Variants in DPH6 observed in about 807,000 individuals in gnomAD.
DPH6 encodes diphthine--ammonia ligase.
DPH6 carries 33 observed loss-of-function variants against 38.2 expected under a neutral mutation model. The observed-to-expected ratio is 0.86, with a 90% CI of 0.65 to 1.15. The LOEUF is 1.15. Ranked by LOEUF, DPH6 falls within the 50% of genes most tolerant of loss-of-function variation. The pLI, the probability that DPH6 is intolerant of heterozygous loss-of-function variation, is 0.00. For synonymous variants in DPH6, 108 were observed against 103.0 expected, an observed-to-expected ratio of 1.05 and a Z score of -0.30; for missense variants, 325 against 320.0, an observed-to-expected ratio of 1.02 and a Z score of -0.12.
chr15:35,314,167 T>C (rs551883285), intron 3 of DPH6, among the ~76,000 whole-genome samples: 23 of 150,292 alleles, frequency 1.5e-4, no homozygotes, highest in Admixed American at 7.3e-4. Context: ...AAAGAGGACA[T>C]ACAAATGGTC....
chr15:35,279,084 T>TAA (rs1566858083), intron 3 of DPH6, among the ~76,000 whole-genome samples: 5 of 143,312 alleles, frequency 3.5e-5, no homozygotes, highest in African/African-American at 1.3e-4. Flanking sequence ...TATATATATA[T>TAA]AATTTTGGAG....
intron 3 of DPH6, among the ~76,000 whole-genome samples, chr15:35,350,610 C>A (rs1159321371): frequency 6.6e-6 from 1 of 152,076 alleles, no homozygotes; most frequent in Non-Finnish European, 1.5e-5. Flanking sequence ...TTGCTGCATC[C>A]AATAAGTTTG....
chr15:35,495,369 A>G (rs1214206743), intron 3 of DPH6, among the ~76,000 whole-genome samples: 1 of 152,200 alleles, frequency 6.6e-6, no homozygotes, highest in African/African-American at 2.4e-5. Flanking sequence ...GAGGCCTCAG[A>G]ATGAAACCAA....
At chr15:35,544,861 T>C (rs1419703063) in intron 1 of DPH6, among the ~76,000 whole-genome samples, 4 of 152,256 alleles carry the variant, frequency 2.6e-5, no homozygotes, top group African/African-American at 9.6e-5. Context: ...CGTTAAACTT[T>C]TGGCAAGCGA....
In DPH6 at chr15:35,401,129, A is replaced by G. The variant is rs568599105; in HGVS notation, c.567+9706T>C. On this transcript the variant is annotated intron_variant, in intron 6 of 8. Coordinates refer to ENST00000256538, the MANE Select transcript of DPH6 (RefSeq NM_080650.4). Reference sequence around the variant, plus strand: ...ACCTTTGATGACCATGACTTTGTGGATAAGACTGTCATTCAGAAACACCAT... The same window carrying G: ...ACCTTTGATGACCATGACTTTGTGGGTAAGACTGTCATTCAGAAACACCAT... 617 of 952,060 alleles carry G rather than the reference A, an allele frequency of 6.5e-4. 4 individuals carry two copies. Among genetic ancestry groups the G allele is most frequent in the South Asian group, 2.3e-3 (183 of 78,062 alleles). 59.0% of individuals were successfully genotyped at this position (952,060 alleles called of 1,614,324 possible).
At chr15:35,183,581 GACAA>G in the DPH6 span, among the ~76,000 whole-genome samples, 2 of 152,200 alleles carry the variant, frequency 1.3e-5, no homozygotes, top group African/African-American at 2.4e-5. Flanking sequence ...TTAACTTCTT[GACAA>G]ACAGAGGCTT....
chr15:35,365,261 T>C (rs758090591), intron 3 of DPH6, among the ~76,000 whole-genome samples: 1 of 152,054 alleles, frequency 6.6e-6, no homozygotes, highest in Non-Finnish European at 1.5e-5. Flanking sequence ...CATGAACACA[T>C]CTAATGTATT....
At chr15:35,537,273 GA>G (rs2055183823) in intron 3 of DPH6, among the ~76,000 whole-genome samples, 1 of 152,066 alleles carries the variant, frequency 6.6e-6, no homozygotes, top group South Asian at 2.1e-4. Context: ...TGAAGAGTGA[GA>G]AAGTGAAATG....
intron 3 of DPH6, among the ~76,000 whole-genome samples, chr15:35,243,331 C>T (rs1321199072): frequency 7.1e-6 from 1 of 141,808 alleles, no homozygotes; most frequent in Non-Finnish European, 1.5e-5. Context: ...TACCACCCCC[C>T]AAAAATTTTC....
At chr15:35,496,173 A>G (rs542793625) in intron 3 of DPH6, among the ~76,000 whole-genome samples, 17 of 152,344 alleles carry the variant, frequency 1.1e-4, no homozygotes, top group Non-Finnish European at 2.2e-4. Context: ...CTAATTACTT[A>G]GAAAAAATTG....
the DPH6 span, among the ~76,000 whole-genome samples, chr15:35,175,796 C>T: frequency 2.0e-5 from 3 of 152,110 alleles, no homozygotes; most frequent in Non-Finnish European, 4.4e-5. Context: ...CCACACTGAA[C>T]GCAGTAAAAG....
At chr15:35,320,396 A>G (rs1441658709) in intron 3 of DPH6, among the ~76,000 whole-genome samples, 2 of 152,054 alleles carry the variant, frequency 1.3e-5, no homozygotes, top group African/African-American at 4.8e-5. Context: ...GAGTGTATAC[A>G]CTTCCTTCTC....
intron 6 of DPH6, 52 bp from the exon 7 acceptor site, chr15:35,381,968 A>G: frequency 7.4e-7 from 1 of 1,360,082 alleles, no homozygotes; most frequent in Non-Finnish European, 1.0e-6. Flanking sequence ...ATTAGACAGC[A>G]TAAATGCTCT....
intron 3 of DPH6, among the ~76,000 whole-genome samples, chr15:35,323,799 G>C (rs2052260207): frequency 6.6e-6 from 1 of 152,124 alleles, no homozygotes; most frequent in Admixed American, 6.5e-5. Flanking sequence ...CTAAGCATCA[G>C]TACTGAGGAA....
intron 3 of DPH6, among the ~76,000 whole-genome samples, chr15:35,256,598 G>A (rs570772838): frequency 1.3e-5 from 2 of 152,324 alleles, no homozygotes; most frequent in East Asian, 1.9e-4. Flanking sequence ...GAGGCTGTGT[G>A]TATATAATGG....
chr15:35,176,782 T>C, the DPH6 span, among the ~76,000 whole-genome samples: 1 of 152,178 alleles, frequency 6.6e-6, no homozygotes, highest in African/African-American at 2.4e-5. Flanking sequence ...GTAAGGTCTT[T>C]TAATGAATCT....
At chr15:35,491,884 G>A (rs866476735) in intron 3 of DPH6, among the ~76,000 whole-genome samples, 61 of 150,002 alleles carry the variant, frequency 4.1e-4, no homozygotes, top group African/African-American at 1.0e-3. Flanking sequence ...ATATATACAC[G>A]TACATATATA....
At chr15:35,398,895 A>G (rs2053181741) in intron 6 of DPH6, among the ~76,000 whole-genome samples, 1 of 152,042 alleles carries the variant, frequency 6.6e-6, no homozygotes, top group African/African-American at 2.4e-5. Flanking sequence ...TGTGGGAAAA[A>G]CCTCACACAT....
At chr15:35,171,202 T>C in the DPH6 span, among the ~76,000 whole-genome samples, 8 of 152,342 alleles carry the variant, frequency 5.3e-5, no homozygotes, top group South Asian at 6.2e-4. Context: ...AAATGCTTCC[T>C]TTTAAATGGT....
Sources: allele counts gnomAD v4.1 joint callset (sites outside exome capture counted in the v4.1 genomes callset), GRCh38; gene constraint gnomAD v4.1.1; transcripts MANE v1.5; gene names NCBI Gene and HGNC (gene_info 2026-07-23, HGNC 2026-07-21).